The following CHRM3 variants were observed in gnomAD, a reference collection of about 807,000 sequenced individuals.
The protein encoded by CHRM3 is muscarinic acetylcholine receptor M3.
CHRM3 carries 11 observed loss-of-function variants against 41.8 expected under a neutral mutation model. That is an observed-to-expected ratio of 0.26 (90% CI 0.17 to 0.44). The LOEUF is 0.44. Ranked by LOEUF, CHRM3 falls within the 20% of genes least tolerant of loss-of-function variation. CHRM3 has a pLI of 1.00. For synonymous variants in CHRM3, 297 were observed against 301.4 expected (o/e 0.99, Z 0.15); for missense variants, 571 against 745.4 (o/e 0.77, Z 2.72).
At chr1:239,829,167 A>C (rs1000610611) in intron 6 of CHRM3, among the ~76,000 whole-genome samples, 1 of 152,204 alleles carries the variant, frequency 6.6e-6, no homozygotes, top group African/African-American at 2.4e-5. Context: ...GGATTGTTTA[A>C]CTGTAGGTAT....
chr1:239,719,024 A>C (rs1470455221), intron 5 of CHRM3: 1 of 152,046 alleles, frequency 6.6e-6, no homozygotes, highest in Non-Finnish European at 1.5e-5. Flanking sequence ...ACTCCAAAAA[A>C]TAAGAGAGAG....
chr1:239,860,794 G>A (rs1675571634), intron 6 of CHRM3, among the ~76,000 whole-genome samples: 1 of 152,128 alleles, frequency 6.6e-6, no homozygotes, highest in African/African-American at 2.4e-5. Flanking sequence ...AAGTGATAGG[G>A]TAGAATTGAT....
At chr1:239,480,222 C>A (rs186598300) in intron 1 of CHRM3, among the ~76,000 whole-genome samples, 1 of 151,876 alleles carries the variant, frequency 6.6e-6, no homozygotes, top group African/African-American at 2.4e-5. Flanking sequence ...GTGATTTATG[C>A]TGAAAGAAAA....
intron 5 of CHRM3, among the ~76,000 whole-genome samples, chr1:239,759,203 A>T (rs2148638786): frequency 8.6e-6 from 1 of 116,332 alleles, no homozygotes; most frequent in Non-Finnish European, 1.6e-5. Flanking sequence ...TTTTAGAGAG[A>T]GGCTTATCCT....
chr1:239,873,208 A>G (rs1676743885), intron 6 of CHRM3, among the ~76,000 whole-genome samples: 1 of 152,134 alleles, frequency 6.6e-6, no homozygotes, highest in African/African-American at 2.4e-5. Flanking sequence ...TAACCATTCC[A>G]TATAAGTGCT....
intron 5 of CHRM3, among the ~76,000 whole-genome samples, chr1:239,811,176 T>C (rs1222910262): frequency 1.3e-5 from 2 of 152,242 alleles, no homozygotes; most frequent in Non-Finnish European, 2.9e-5. Context: ...GAGGATGTGC[T>C]GTGACTGGAG....
chr1:239,637,763 A>C lies in CHRM3; in HGVS notation c.-250+5477A>C, dbSNP rs545914038. 4.7e-4 allele frequency among the ~76,000 whole-genome samples: 68 copies of C among 143,660 alleles called. 1 individual carries two copies. Among genetic ancestry groups the C allele is most frequent in the Non-Finnish European group, 9.0e-4 (59 of 65,838 alleles). 94.2% of individuals were successfully genotyped at this position (143,660 alleles called of 152,430 possible). The stretch of plus-strand genomic sequence containing the variant: ...TTCTTTGTGAATTTTCTTTTTTTTA[A>C]TTTAATTTTATTATTATTATACTTT... On this transcript the variant is annotated intron_variant, in intron 4 of 6. Transcript: ENST00000676153.
In CHRM3 at chr1:239,742,983, CAG is replaced by C. The variant is rs1415086009; in HGVS notation, c.-147+64696_-147+64697del. Among the ~76,000 whole-genome samples, 5 of 152,174 alleles carry C rather than the reference CAG, an allele frequency of 3.3e-5. No individual in the cohort carries two copies. The East Asian group carries it at 9.7e-4, about 30-fold the overall frequency. On this transcript the variant is annotated intron_variant, in intron 5 of 6. Transcript: ENST00000676153. The stretch of plus-strand genomic sequence containing the variant: ...AGCTACCAGGTTTATAATTTATTGT[CAG>C]GGGAATCATGTCAGAATATGTTCAG...
At chr1:239,671,707 G>A (rs1315713196) in intron 4 of CHRM3, among the ~76,000 whole-genome samples, 1 of 151,934 alleles carries the variant, frequency 6.6e-6, no homozygotes, top group East Asian at 1.9e-4. Context: ...TGGGGTGTAG[G>A]TTACATTTCA....
intron 6 of CHRM3, among the ~76,000 whole-genome samples, chr1:239,887,067 G>A (rs1678134627): frequency 6.6e-6 from 1 of 152,076 alleles, no homozygotes; most frequent in Admixed American, 6.6e-5. Flanking sequence ...GTTTCCAGCT[G>A]GGCTCCTTTA....
rs1667883116 is a variant in CHRM3, at chr1:239,496,398, T to G, written c.-422+3591T>G. 2.0e-5 allele frequency among the ~76,000 whole-genome samples: 3 copies of G among 152,124 alleles called. No individual in the cohort carries two copies. In the South Asian group the frequency reaches 6.2e-4, roughly 32 times the overall value. Reference sequence around the variant, plus strand: ...CCTCATTTGTTAAATATATATAATATCTATCTTGCAGATTATTTTAAAGAC... The same window carrying G: ...CCTCATTTGTTAAATATATATAATAGCTATCTTGCAGATTATTTTAAAGAC... On this transcript the variant is annotated intron_variant, in intron 2 of 6. Coordinates refer to ENST00000676153, the MANE Select transcript of CHRM3 (RefSeq NM_001375978.1).
intron 1 of CHRM3, among the ~76,000 whole-genome samples, chr1:239,480,543 A>ATTTTGTTTTTTTTTTT (rs1558254333): frequency 9.0e-6 from 1 of 110,718 alleles, no homozygotes. Flanking sequence ...CGATAGCCCA[A>ATTTTGTTTTTTTTTTT]TTTTTTTTTT....
At chr1:239,568,214 T>C (rs1034518365) in intron 3 of CHRM3, among the ~76,000 whole-genome samples, 2 of 152,140 alleles carry the variant, frequency 1.3e-5, no homozygotes, top group African/African-American at 4.8e-5. Context: ...TAATATGGTT[T>C]GGCTGTGTCC....
chr1:239,518,078 C>T (rs375084564), intron 2 of CHRM3, among the ~76,000 whole-genome samples: 1 of 152,150 alleles, frequency 6.6e-6, no homozygotes. Flanking sequence ...TTCACTCCAG[C>T]CTGGGCAACA....
At chr1:239,525,810 A>C (rs367984537) in intron 2 of CHRM3, among the ~76,000 whole-genome samples, 1 of 152,230 alleles carries the variant, frequency 6.6e-6, no homozygotes, top group East Asian at 1.9e-4. Context: ...TAGGCAAAAG[A>C]TGTAAATGCT....
intron 2 of CHRM3, among the ~76,000 whole-genome samples, chr1:239,528,106 C>A (rs1027689768): frequency 6.6e-6 from 1 of 152,084 alleles, no homozygotes; most frequent in Admixed American, 6.6e-5. Context: ...TTTTAGTAAA[C>A]GAAAGGTTGC....
At chr1:239,473,421 A>G (rs1666265594) in intron 1 of CHRM3, among the ~76,000 whole-genome samples, 1 of 152,178 alleles carries the variant, frequency 6.6e-6, no homozygotes, top group African/African-American at 2.4e-5. Context: ...AGAAAAGAAT[A>G]GGCATTTCAT....
At chr1:239,483,097 GA>G (rs1460205050) in intron 1 of CHRM3, among the ~76,000 whole-genome samples, 3 of 152,136 alleles carry the variant, frequency 2.0e-5, no homozygotes, top group Non-Finnish European at 4.4e-5. Flanking sequence ...ATATGAAGGG[GA>G]AAAGGGATAA....
intron 2 of CHRM3, among the ~76,000 whole-genome samples, chr1:239,513,333 G>A (rs996490696): frequency 9.2e-5 from 14 of 151,966 alleles, no homozygotes; most frequent in Non-Finnish European, 1.8e-4. Context: ...TGGCCATTCT[G>A]GTAGGTGTTT....
Sources: gnomAD v4.1 joint callset for allele counts (sites outside exome capture counted in the v4.1 genomes callset) on GRCh38, gnomAD v4.1.1 for gene constraint, MANE v1.5 for transcripts, NCBI Gene and HGNC (gene_info 2026-07-23, HGNC 2026-07-21) for gene names.